SLC6A6: variants seen among roughly 807,000 people sequenced by gnomAD.
SLC6A6 encodes sodium- and chloride-dependent taurine transporter.
A neutral mutation model predicts 68.8 loss-of-function variants in SLC6A6; 16 were observed. That is an observed-to-expected ratio of 0.23 (90% CI 0.16 to 0.35). The LOEUF (loss-of-function observed/expected upper bound fraction) is 0.35, where lower values mean the gene tolerates loss of function less well. Ranked by LOEUF, SLC6A6 falls within the 10% of genes least tolerant of loss-of-function variation. The pLI is 1.00. For synonymous variants in SLC6A6, 312 were observed against 315.4 expected (o/e 0.99, Z 0.12); for missense variants, 474 against 802.8 (o/e 0.59, Z 4.95).
At chr3:14,469,673 C>T (rs890038592) in intron 9 of SLC6A6, among the ~76,000 whole-genome samples, 1 of 152,202 alleles carries the variant, frequency 6.6e-6, no homozygotes, top group African/African-American at 2.4e-5. Context: ...TCCAGCCCAC[C>T]CTGGACACAT....
At chr3:14,421,785 G>A (rs1413517255) in intron 2 of SLC6A6, among the ~76,000 whole-genome samples, 1 of 152,198 alleles carries the variant, frequency 6.6e-6, no homozygotes, top group African/African-American at 2.4e-5. Flanking sequence ...AGTCAGCCAC[G>A]TGTCAGGACA....
At chr3:14,434,673 C>T (rs926081616) in intron 2 of SLC6A6, among the ~76,000 whole-genome samples, 4 of 152,212 alleles carry the variant, frequency 2.6e-5, no homozygotes, top group African/African-American at 9.6e-5. Flanking sequence ...TGCTGTGGGG[C>T]ACCTCCGTTT....
intron 5 of SLC6A6, among the ~76,000 whole-genome samples, chr3:14,449,404 C>G (rs1260879165): frequency 6.6e-6 from 1 of 152,222 alleles, no homozygotes; most frequent in Non-Finnish European, 1.5e-5. Flanking sequence ...AAGGCTGGCA[C>G]TTCCTTTTTC....
chr3:14,408,878 C>T (rs980369207), intron 1 of SLC6A6, among the ~76,000 whole-genome samples: 2 of 152,054 alleles, frequency 1.3e-5, no homozygotes, highest in African/African-American at 2.4e-5. Flanking sequence ...GTGATCTCAG[C>T]TCACTGCAAG....
chr3:14,444,765 A>G, intron 3 of SLC6A6: 1 of 456,622 alleles, frequency 2.2e-6, no homozygotes, highest in South Asian at 1.5e-5. Flanking sequence ...GACTGTGATG[A>G]GTGTCCTAGA....
chr3:14,475,188 T>C (rs1191680343), intron 10 of SLC6A6, among the ~76,000 whole-genome samples: 4 of 152,066 alleles, frequency 2.6e-5, no homozygotes, highest in Non-Finnish European at 4.4e-5. Context: ...TGTGCCACCA[T>C]ACCTGGCTAA....
At position 14,468,401 on chromosome 3, in the gene SLC6A6, G is replaced by T. The variant is rs7620520; in HGVS notation, c.1096+189G>T. On this transcript the variant is annotated intron_variant, in intron 9 of 14. Transcript: ENST00000622186. The surrounding 1 kb of genome is among the most constrained non-coding windows in gnomAD (Gnocchi z 4.5). Reference sequence around the variant, plus strand: ...GTACAAAGCCAAATTTTAAACATTTGTATTGCAATTTGGCCCTGATGGGTG... The same window carrying T: ...GTACAAAGCCAAATTTTAAACATTTTTATTGCAATTTGGCCCTGATGGGTG... 1 allele frequency among the ~76,000 whole-genome samples: 150,015 copies of T among 150,030 alleles called. 75,000 individuals carry two copies. The highest frequency in any genetic ancestry group is 1 in the Middle Eastern group (292 of 292).
At chr3:14,466,139 G>A (rs993814460) in intron 6 of SLC6A6, among the ~76,000 whole-genome samples, 9 of 152,084 alleles carry the variant, frequency 5.9e-5, no homozygotes, top group African/African-American at 9.6e-5. Context: ...GTGGGCACCC[G>A]TAATCCCAGC....
At chr3:14,424,599 T>G (rs1699550138) in intron 2 of SLC6A6, among the ~76,000 whole-genome samples, 1 of 152,138 alleles carries the variant, frequency 6.6e-6, no homozygotes, top group African/African-American at 2.4e-5. Flanking sequence ...CTCGGATCTG[T>G]TCAGAGTGGT....
rs754250557 is a variant in SLC6A6, at chr3:14,457,966, T to C, written c.616T>C (p.Leu206=). 2 of 1,614,078 alleles carry C rather than the reference T, an allele frequency of 1.2e-6. No individual in the cohort carries two copies. Among genetic ancestry groups the C allele is most frequent in the Non-Finnish European group, 1.7e-6 (2 of 1,180,022 alleles). Residue 206 remains leucine, a synonymous_variant, in exon 6 of 15, where the codon TTG becomes CTG. Coordinates refer to ENST00000622186, the MANE Select transcript of SLC6A6 (RefSeq NM_003043.6). ...TGCTTCAAGGCGCAACGTGCTGAGC[T>C]TGTCCCCTGGAATCGACCACCCAGG... is the stretch of plus-strand genomic sequence containing the variant. ...IEFWERNVLS[L]SPGIDHPGSL...
chr3:14,458,497 G>A (rs546026794), intron 6 of SLC6A6, among the ~76,000 whole-genome samples: 1 of 152,230 alleles, frequency 6.6e-6, no homozygotes, highest in Non-Finnish European at 1.5e-5. Flanking sequence ...GCCAGCAACC[G>A]TGGTAAGAGC....
intron 1 of SLC6A6, among the ~76,000 whole-genome samples, chr3:14,412,079 A>C (rs1289107742): frequency 6.6e-6 from 1 of 152,216 alleles, no homozygotes; most frequent in Non-Finnish European, 1.5e-5. Context: ...TGTTTAAGGG[A>C]AATACCTTCT....
intron 5 of SLC6A6, among the ~76,000 whole-genome samples, chr3:14,453,541 A>T (rs1489518680): frequency 2.0e-5 from 3 of 152,250 alleles, no homozygotes; most frequent in Non-Finnish European, 4.4e-5. Context: ...CCAAATGGGT[A>T]TAATTAATTT....
intron 13 of SLC6A6, among the ~76,000 whole-genome samples, chr3:14,480,439 A>C (rs1444546658): frequency 1.3e-5 from 2 of 150,868 alleles, no homozygotes; most frequent in Non-Finnish European, 2.9e-5. Context: ...AGATGAGGTC[A>C]CCCTCATGGA....
chr3:14,437,092 CTG>C lies in SLC6A6; in HGVS notation c.-11-6529_-11-6528del, dbSNP rs145054520. Among the ~76,000 whole-genome samples the C allele has an allele frequency of 1.2e-4, 18 of 152,296 alleles. No homozygotes were observed. In the East Asian group the frequency reaches 3.3e-3, roughly 28 times the overall value. ...ACTGTGGACAAGTGACTTCACATCT[CTG>C]TGCTTTATCAGCACAGGAAGGATGG... On this transcript the variant is annotated intron_variant, in intron 2 of 14. Transcript: ENST00000622186.
intron 1 of SLC6A6, among the ~76,000 whole-genome samples, chr3:14,405,138 G>C (rs909787040): frequency 1.3e-5 from 2 of 152,184 alleles, no homozygotes; most frequent in African/African-American, 2.4e-5. Flanking sequence ...AAATTGAACC[G>C]GGGCCTGGGG....
intron 13 of SLC6A6, among the ~76,000 whole-genome samples, chr3:14,480,864 A>T (rs73134898): frequency 2.8e-4 from 42 of 152,106 alleles, no homozygotes; most frequent in African/African-American, 1.0e-3. Flanking sequence ...CACAGGGCTG[A>T]CCCCACCCCA....
Position 14,458,101 on chromosome 3 carries a change from C to G in SLC6A6, c.732+19C>G. On this transcript the variant is annotated intron_variant, in intron 6 of 14. Transcript: ENST00000622186. ...TGGGAAGGTAAGTTGGACTTCTGTC[C>G]GTCCCCTGCCTCCTGGAGAGCTGTG... 2 of 1,611,052 alleles carry G rather than the reference C, an allele frequency of 1.2e-6. No individual in the cohort carries two copies. Among genetic ancestry groups the G allele is most frequent in the South Asian group, 2.2e-5 (2 of 91,024 alleles).
At chr3:14,439,193 C>T (rs973327793) in intron 2 of SLC6A6, among the ~76,000 whole-genome samples, 2 of 152,238 alleles carry the variant, frequency 1.3e-5, no homozygotes, top group South Asian at 2.1e-4. Context: ...CCTTTCCACC[C>T]GTGTGTGTAG....
Sources: gnomAD v4.1 joint callset for allele counts (sites outside exome capture counted in the v4.1 genomes callset) on GRCh38, gnomAD v4.1.1 for gene constraint, Gnocchi (gnomAD v3.1) non-coding constraint, MANE v1.5 for transcripts, NCBI Gene and HGNC (gene_info 2026-07-23, HGNC 2026-07-21) for gene names.